Variants in DACH1 observed in about 807,000 individuals in gnomAD.
The protein encoded by DACH1 is dachshund homolog 1.
DACH1 carries 12 observed loss-of-function variants against 54.2 expected under a neutral mutation model. The observed-to-expected ratio is 0.22, with a 90% CI of 0.14 to 0.36. DACH1 has a LOEUF of 0.36. Among genes scored for constraint, DACH1 ranks in the 10% least tolerant of loss-of-function variants. The pLI, the probability that DACH1 is intolerant of heterozygous loss-of-function variation, is 1.00. For missense variants in DACH1, 805 were observed against 929.8 expected (o/e 0.87, Z 1.75); for synonymous variants, 386 against 366.2 (o/e 1.05, Z -0.62).
At chr13:71,465,372 C>A (rs1348823010) in intron 10 of DACH1, among the ~76,000 whole-genome samples, 1 of 151,872 alleles carries the variant, frequency 6.6e-6, no homozygotes, top group African/African-American at 2.4e-5. Flanking sequence ...TGAAGTATAA[C>A]ATTTCTCAGA....
chr13:71,814,683 G>T (rs573309510), intron 1 of DACH1, among the ~76,000 whole-genome samples: 1 of 152,296 alleles, frequency 6.6e-6, no homozygotes, highest in South Asian at 2.1e-4. Flanking sequence ...AACTGTACAA[G>T]AAATTACTGT....
At chr13:71,666,415 G>C (rs1879836633) in intron 2 of DACH1, among the ~76,000 whole-genome samples, 1 of 152,078 alleles carries the variant, frequency 6.6e-6, no homozygotes, top group African/African-American at 2.4e-5. Context: ...TATGGCCATG[G>C]CTATTCTAAC....
chr13:71,730,905 G>A (rs1883711445), intron 1 of DACH1, among the ~76,000 whole-genome samples: 4 of 151,854 alleles, frequency 2.6e-5, no homozygotes, highest in Admixed American at 1.3e-4. Context: ...ATTTCAGAAT[G>A]TAGTTGTGTC....
intron 2 of DACH1, among the ~76,000 whole-genome samples, chr13:71,679,112 A>C (rs1880742343): frequency 6.6e-6 from 1 of 152,212 alleles, no homozygotes; most frequent in Admixed American, 6.5e-5. Context: ...GAAAGAACAA[A>C]AGTAGAATGT....
intron 2 of DACH1, among the ~76,000 whole-genome samples, chr13:71,673,981 G>A (rs1880386266): frequency 6.6e-6 from 1 of 152,132 alleles, no homozygotes; most frequent in African/African-American, 2.4e-5. Context: ...TGTGCTTAAT[G>A]GGATTTTAGA....
At chr13:71,765,279 C>G (rs1333543923) in intron 1 of DACH1, among the ~76,000 whole-genome samples, 1 of 152,184 alleles carries the variant, frequency 6.6e-6, no homozygotes, top group Non-Finnish European at 1.5e-5. Flanking sequence ...CCTTGCCTAC[C>G]CACAAGCTTC....
intron 1 of DACH1, among the ~76,000 whole-genome samples, chr13:71,855,271 A>G (rs1480255534): frequency 6.6e-6 from 1 of 152,024 alleles, no homozygotes; most frequent in Non-Finnish European, 1.5e-5. Flanking sequence ...TGCTCACCTC[A>G]ATTTCAAAAC....
At chr13:71,760,165 A>G (rs1444896848) in intron 1 of DACH1, among the ~76,000 whole-genome samples, 1 of 152,182 alleles carries the variant, frequency 6.6e-6, no homozygotes, top group Non-Finnish European at 1.5e-5. Context: ...GATTCTGACA[A>G]CTGGAGTTCT....
intron 1 of DACH1, among the ~76,000 whole-genome samples, chr13:71,833,800 A>T (rs1888679155): frequency 6.6e-6 from 1 of 152,088 alleles, no homozygotes; most frequent in Admixed American, 6.6e-5. Flanking sequence ...ATGTTTTAAT[A>T]GTAATTGATA....
intron 3 of DACH1, among the ~76,000 whole-genome samples, chr13:71,626,525 T>C (rs1364729126): frequency 1.3e-5 from 2 of 151,916 alleles, no homozygotes; most frequent in African/African-American, 2.4e-5. Context: ...GCAAAAAAAA[T>C]AGCAACTTAT....
At chr13:71,576,548 G>A (rs1187066741) in intron 3 of DACH1, among the ~76,000 whole-genome samples, 1 of 152,066 alleles carries the variant, frequency 6.6e-6, no homozygotes, top group Non-Finnish European at 1.5e-5. Flanking sequence ...AGATGGACCA[G>A]GTTTTAAATG....
intron 1 of DACH1, among the ~76,000 whole-genome samples, chr13:71,747,344 C>G (rs1036049637): frequency 8.6e-5 from 13 of 152,020 alleles, no homozygotes; most frequent in African/African-American, 2.7e-4. Context: ...TTTGGGAGGC[C>G]AAGGCAGGCG....
chr13:71,574,472 C>A (rs1885410592), intron 3 of DACH1, among the ~76,000 whole-genome samples: 1 of 152,014 alleles, frequency 6.6e-6, no homozygotes, highest in Admixed American at 6.5e-5. Context: ...TGGTAAAACT[C>A]CAATTTAATG....
intron 1 of DACH1, among the ~76,000 whole-genome samples, chr13:71,799,435 A>G (rs1361048031): frequency 1.3e-5 from 2 of 152,122 alleles, no homozygotes; most frequent in South Asian, 2.1e-4. Flanking sequence ...TTCTGCTATA[A>G]TTAAATTAAA....
chr13:71,694,347 G>C (rs1013385437), intron 1 of DACH1, among the ~76,000 whole-genome samples: 2 of 151,798 alleles, frequency 1.3e-5, no homozygotes, highest in African/African-American at 2.4e-5. Context: ...TGATGCCCCC[G>C]TGAGGATTCC....
intron 1 of DACH1, among the ~76,000 whole-genome samples, chr13:71,726,449 C>T (rs74099114): frequency 4.1e-4 from 62 of 152,168 alleles, no homozygotes; most frequent in African/African-American, 1.4e-3. Flanking sequence ...ATCCAAATCA[C>T]ATGTGCATTT....
intron 6 of DACH1, among the ~76,000 whole-genome samples, chr13:71,512,377 T>C (rs1334338501): frequency 6.6e-6 from 1 of 151,770 alleles, no homozygotes. Context: ...TACCATTATA[T>C]GAAAGGAGAA....
chr13:71,492,287 ATTAAG>A (rs1426964251), intron 6 of DACH1, among the ~76,000 whole-genome samples: 2 of 151,866 alleles, frequency 1.3e-5, no homozygotes, highest in Non-Finnish European at 2.9e-5. Context: ...CACAGAGGGA[ATTAAG>A]TTAAGATCTT....
chr13:71,837,466 T>C (rs770750800), intron 1 of DACH1, among the ~76,000 whole-genome samples: 11 of 152,118 alleles, frequency 7.2e-5, no homozygotes, highest in Non-Finnish European at 1.2e-4. Context: ...AGCTGGAAAC[T>C]TGGGTAACTG....
Sources: gnomAD v4.1 joint callset for allele counts (sites outside exome capture counted in the v4.1 genomes callset) on GRCh38, gnomAD v4.1.1 for gene constraint, MANE v1.5 for transcripts, NCBI Gene and HGNC (gene_info 2026-07-23, HGNC 2026-07-21) for gene names.